The following CPM variants were observed in gnomAD, a reference collection of about 807,000 sequenced individuals.
CPM encodes the protein renal carboxypeptidase.
In CPM, 35 loss-of-function variants were observed where a neutral mutation model predicts 46.4. The ratio of observed to expected loss-of-function variants is 0.75; its 90% CI spans 0.58 to 1.00. CPM has a LOEUF of 1.00. CPM is among the 50% of genes least tolerant of loss of function. CPM has a pLI of 0.00. For missense variants in CPM, 422 were observed against 530.4 expected (o/e 0.80, Z 2.01); for synonymous variants, 195 against 195.3 (o/e 1.00, Z 0.01).
chr12:68,860,121 C>A (rs1013913314), intron 7 of CPM, among the ~76,000 whole-genome samples: 8 of 152,168 alleles, frequency 5.3e-5, no homozygotes, highest in African/African-American at 1.9e-4. Flanking sequence ...CAATGTTTAT[C>A]TTGAACTTCA....
In CPM at chr12:68,871,947, G is replaced by A. The variant is rs984733960; in HGVS notation, c.268C>T (p.Arg90Trp). The change falls in exon 4 of 9, where the codon CGG (arginine) becomes TGG (tryptophan). Residue 90 changes from arginine (R) to tryptophan (W), a missense_variant. Arg to Trp is a moderately radical substitution (Grantham distance 101). Coordinates refer to ENST00000551568, the MANE Select transcript of CPM (RefSeq NM_198320.5). ...TCAATCAGATGGAGCAGCAGCTCCC[G>A]CCCAACAGTCTATATGTGTTAAAGA... ...ANMHGDETVG[R>W]ELLLHLIDYL... 6.2e-7 allele frequency: 1 copy of A among 1,613,852 alleles called. No homozygotes were observed. Among genetic ancestry groups the A allele is most frequent in the Non-Finnish European group, 8.5e-7 (1 of 1,179,936 alleles).
chr12:68,915,443 T>C (rs1333954580), intron 2 of CPM, among the ~76,000 whole-genome samples: 2 of 152,192 alleles, frequency 1.3e-5, no homozygotes, highest in Non-Finnish European at 2.9e-5. Flanking sequence ...GCACAGCATG[T>C]GTTTTCCCAG....
intron 2 of CPM, 139 bp downstream of exon 2, chr12:68,932,539 C>G: frequency 2.1e-6 from 2 of 946,652 alleles, no homozygotes; most frequent in Non-Finnish European, 1.6e-6. Flanking sequence ...AAACAACCAA[C>G]ACGCACGGTA....
At chr12:68,910,550 T>C (rs1887552045) in intron 2 of CPM, among the ~76,000 whole-genome samples, 1 of 152,206 alleles carries the variant, frequency 6.6e-6, no homozygotes, top group African/African-American at 2.4e-5. Flanking sequence ...TGGATAAATG[T>C]ATGGGTTTTA....
intron 2 of CPM, among the ~76,000 whole-genome samples, chr12:68,906,689 A>G (rs924357163): frequency 3.3e-5 from 5 of 151,974 alleles, no homozygotes; most frequent in Non-Finnish European, 7.4e-5. Context: ...ACGGGTTTTC[A>G]CCAAGCTGGT....
intron 5 of CPM, chr12:68,844,009 G>A (rs145008177): frequency 0.01 from 2,120 of 206,838 alleles, 56 homozygotes; most frequent in African/African-American, 0.045. Context: ...GAGGAGTATC[G>A]GTAGCATAAA....
intron 2 of CPM, among the ~76,000 whole-genome samples, chr12:68,906,385 C>T (rs1306194731): frequency 6.6e-6 from 1 of 152,130 alleles, no homozygotes; most frequent in African/African-American, 2.4e-5. Context: ...AAAAACTCTT[C>T]AGTGAAATAA....
At chr12:68,925,425 C>T (rs1888219040) in intron 2 of CPM, among the ~76,000 whole-genome samples, 1 of 152,150 alleles carries the variant, frequency 6.6e-6, no homozygotes. Context: ...AAAGCCTGTG[C>T]TCAGATTTTT....
At chr12:68,908,320 G>C (rs1163450156) in intron 2 of CPM, among the ~76,000 whole-genome samples, 1 of 151,814 alleles carries the variant, frequency 6.6e-6, no homozygotes, top group Non-Finnish European at 1.5e-5. Context: ...AGGATACAAG[G>C]CCAACCCGGG....
chr12:68,847,046 C>G (rs777621340), downstream of CPM: 1 of 150,456 alleles, frequency 6.6e-6, no homozygotes, highest in African/African-American at 2.5e-5. Flanking sequence ...AGTATAGTGG[C>G]GCAAACATGA....
intron 7 of CPM, among the ~76,000 whole-genome samples, chr12:68,861,541 T>G (rs1038051593): frequency 2.4e-5 from 2 of 84,944 alleles, no homozygotes; most frequent in South Asian, 3.1e-4. Flanking sequence ...CAATTTTTTG[T>G]TTTTTTTTTT....
At chr12:68,953,671 CAGAG>C (rs1888971141) in intron 1 of CPM, among the ~76,000 whole-genome samples, 1 of 152,194 alleles carries the variant, frequency 6.6e-6, no homozygotes, top group Non-Finnish European at 1.5e-5. Context: ...AGCCTGGAGG[CAGAG>C]AGAGTTCTTG....
chr12:68,863,688 C>T (rs574004768), intron 7 of CPM, among the ~76,000 whole-genome samples: 1 of 152,292 alleles, frequency 6.6e-6, no homozygotes, highest in East Asian at 1.9e-4. Flanking sequence ...AGCTTGGGCT[C>T]TACCTAAGCC....
chr12:68,883,792 T>C (rs1565779593), intron 3 of CPM, among the ~76,000 whole-genome samples: 1 of 151,922 alleles, frequency 6.6e-6, no homozygotes, highest in Non-Finnish European at 1.5e-5. Flanking sequence ...GCCATATGTC[T>C]CTTGTTACAA....
At chr12:68,889,771 C>T (rs1409357720) in intron 2 of CPM, among the ~76,000 whole-genome samples, 1 of 152,166 alleles carries the variant, frequency 6.6e-6, no homozygotes, top group Non-Finnish European at 1.5e-5. Flanking sequence ...TGAATAACTC[C>T]TCCCTTCTCA....
At chr12:68,948,640 G>T (rs187804731) in intron 1 of CPM, among the ~76,000 whole-genome samples, 158 of 152,248 alleles carry the variant, frequency 1.0e-3, no homozygotes, top group African/African-American at 3.7e-3. Flanking sequence ...AAGCTTGGTT[G>T]CCTGCATATA....
At position 68,870,278 on chromosome 12, in the gene CPM, G is replaced by C. The variant is rs762621752; in HGVS notation, c.553C>G (p.Leu185Val). 1 of 1,614,198 alleles carries C rather than the reference G, an allele frequency of 6.2e-7. No homozygotes were observed. The highest frequency in any genetic ancestry group is 8.5e-7 in the Non-Finnish European group (1 of 1,180,018). Residue 185 changes from leucine (L) to valine (V), a missense_variant, in exon 5 of 9, where the codon CTC (leucine) becomes GTC (valine). Transcript: ENST00000551568. ...GCACCACCATGGAGGTTTGCAGAGA[G>C]GACAAACGTCTCTGTTTTCAGCCAC... Reference protein sequence around the residue: ...MKWLKTETFVLSANLHGGALV... With the variant: ...MKWLKTETFVVSANLHGGALV...
At chr12:68,924,026 G>C (rs529046294) in intron 2 of CPM, among the ~76,000 whole-genome samples, 7 of 151,982 alleles carry the variant, frequency 4.6e-5, no homozygotes, top group African/African-American at 1.7e-4. Flanking sequence ...GAAAATTGTG[G>C]GCGGAGGGGA....
At chr12:68,961,995 T>A (rs1592718891) in intron 1 of CPM, among the ~76,000 whole-genome samples, 1 of 152,028 alleles carries the variant, frequency 6.6e-6, no homozygotes, top group Admixed American at 6.6e-5. Flanking sequence ...GGTCAGCAGG[T>A]CGAGACCATC....
Sources: gnomAD v4.1 joint callset for allele counts (sites outside exome capture counted in the v4.1 genomes callset) on GRCh38, gnomAD v4.1.1 for gene constraint, MANE v1.5 for transcripts, NCBI Gene and HGNC (gene_info 2026-07-23, HGNC 2026-07-21) for gene names.